Variants in AGTPBP1 observed in about 807,000 individuals in gnomAD.
AGTPBP1 encodes ATP/GTP binding carboxypeptidase 1.
Under a neutral mutation model 143.9 loss-of-function variants are expected in AGTPBP1, and 70 were observed. That is an observed-to-expected ratio of 0.49 (90% CI 0.40 to 0.59). The LOEUF is 0.59. Ranked by LOEUF, AGTPBP1 falls within the 20% of genes least tolerant of loss-of-function variation. The probability of loss-of-function intolerance (pLI) is 0.00; values close to 1 mark genes in which losing one functional copy is unlikely to be tolerated. For missense variants in AGTPBP1, 1,229 were observed against 1,464.5 expected, an observed-to-expected ratio of 0.84 and a Z score of 2.62; for synonymous variants, 463 against 500.2, an observed-to-expected ratio of 0.93 and a Z score of 0.99.
chr9:85,736,400 C>T lies in AGTPBP1; in HGVS notation c.-34+5375G>A, dbSNP rs187512073. 1.3e-4 allele frequency among the ~76,000 whole-genome samples: 20 copies of T among 152,262 alleles called. 1 individual carries two copies. In the East Asian group the frequency reaches 3.9e-3, roughly 29 times the overall value. On this transcript the variant is annotated intron_variant, in intron 1 of 25. Transcript: ENST00000357081. ...AATCAGATCAGGGTAATTAGCAAATCCATCATCTCAAACATTTATCATTTC... is the reference window on the plus strand; with the variant it reads ...AATCAGATCAGGGTAATTAGCAAATTCATCATCTCAAACATTTATCATTTC...
At chr9:85,728,616 A>G (rs1363834832) in intron 1 of AGTPBP1, among the ~76,000 whole-genome samples, 1 of 152,204 alleles carries the variant, frequency 6.6e-6, no homozygotes, top group Non-Finnish European at 1.5e-5. Context: ...AATTAAACAA[A>G]ACAAAAACAG....
At position 85,670,734 on chromosome 9, in the gene AGTPBP1, T is replaced by C. The variant is rs540674716; in HGVS notation, c.569-1156A>G. Among the ~76,000 whole-genome samples the C allele has an allele frequency of 1.1e-4, 17 of 152,280 alleles. No homozygotes were observed. In the South Asian group the frequency reaches 3.5e-3, roughly 32 times the overall value. On this transcript the variant is annotated intron_variant, in intron 7 of 25. Coordinates refer to ENST00000357081, the MANE Select transcript of AGTPBP1 (RefSeq NM_001330701.2). ...CGTTTAATAAACAATTTTTAAATTA[T>C]AGATAAGCCATCTGCTAGCCTTCTA...
At chr9:85,768,877 C>T in the AGTPBP1 span, among the ~76,000 whole-genome samples, 1 of 150,710 alleles carries the variant, frequency 6.6e-6, no homozygotes, top group Non-Finnish European at 1.5e-5. Context: ...TGCAAAACCC[C>T]TTCTCAACTA....
At chr9:85,653,202 C>A (rs970533178) in intron 11 of AGTPBP1, among the ~76,000 whole-genome samples, 2 of 144,762 alleles carry the variant, frequency 1.4e-5, no homozygotes, top group Non-Finnish European at 3.0e-5. Flanking sequence ...CTCAGGAGTT[C>A]GAGACCAGCC....
At chr9:85,641,584 G>A (rs1170730656) in intron 13 of AGTPBP1, among the ~76,000 whole-genome samples, 2 of 152,090 alleles carry the variant, frequency 1.3e-5, no homozygotes, top group Non-Finnish European at 2.9e-5. Flanking sequence ...GGGGTGGCAG[G>A]GAAGGCTGCA....
intron 25 of AGTPBP1, among the ~76,000 whole-genome samples, chr9:85,551,605 C>T (rs1587607486): frequency 6.6e-6 from 1 of 152,192 alleles, no homozygotes; most frequent in Non-Finnish European, 1.5e-5. Flanking sequence ...TTATGAAAAG[C>T]CTTGAGGTTG....
At chr9:85,716,931 G>A (rs973957491) in intron 1 of AGTPBP1, among the ~76,000 whole-genome samples, 2 of 152,150 alleles carry the variant, frequency 1.3e-5, no homozygotes, top group African/African-American at 4.8e-5. Context: ...TGGATGCACT[G>A]GCTGGGCCTC....
At chr9:85,598,164 T>TTCTC (rs150083382) in intron 17 of AGTPBP1, among the ~76,000 whole-genome samples, 4 of 150,832 alleles carry the variant, frequency 2.7e-5, no homozygotes, top group South Asian at 2.1e-4. Flanking sequence ...CTTTTGGTAT[T>TTCTC]TCTCTCTCTC....
At chr9:85,698,679 C>CTTTTTTTTTTTT (rs34248388) in intron 2 of AGTPBP1, among the ~76,000 whole-genome samples, 7 of 76,574 alleles carry the variant, frequency 9.1e-5, no homozygotes, top group African/African-American at 1.1e-4. Flanking sequence ...CCACCTAACC[C>CTTTTTTTTTTTT]TTTTTTTTTT....
upstream of AGTPBP1, among the ~76,000 whole-genome samples, chr9:85,743,240 G>T (rs924512708): frequency 2.0e-5 from 3 of 152,158 alleles, no homozygotes; most frequent in Non-Finnish European, 4.4e-5. Context: ...TAAAGAACAT[G>T]TTTCTAAATG....
At chr9:85,734,753 G>A (rs1008192945) in intron 1 of AGTPBP1, among the ~76,000 whole-genome samples, 4 of 152,106 alleles carry the variant, frequency 2.6e-5, no homozygotes, top group African/African-American at 4.8e-5. Context: ...TTCCACTTCC[G>A]GGTATATACT....
chr9:85,692,575 G>A, intron 3 of AGTPBP1, 114 bp downstream of exon 3: 3 of 1,378,000 alleles, frequency 2.2e-6, no homozygotes, highest in Non-Finnish European at 2.9e-6. Flanking sequence ...CACCCGGCCT[G>A]AAAGTTCAAT....
intron 2 of AGTPBP1, among the ~76,000 whole-genome samples, chr9:85,698,837 C>T (rs3929749): frequency 0.13 from 20,267 of 151,534 alleles, 1,604 homozygotes; most frequent in East Asian, 0.3. Context: ...GGACTACAGG[C>T]GCCTGCAACC....
At chr9:85,574,425 C>T (rs77335415) in intron 25 of AGTPBP1, among the ~76,000 whole-genome samples, 2,527 of 150,202 alleles carry the variant, frequency 0.017, 29 homozygotes, top group Middle Eastern at 0.055. Flanking sequence ...TCCTATGACC[C>T]TGCCAAATCC....
chr9:85,766,229 A>G, the AGTPBP1 span, among the ~76,000 whole-genome samples: 1 of 152,302 alleles, frequency 6.6e-6, no homozygotes, highest in South Asian at 2.1e-4. Flanking sequence ...TCTGAAGGAC[A>G]CTGAAAATCA....
chr9:85,602,172 G>A (rs1222378780), intron 17 of AGTPBP1, among the ~76,000 whole-genome samples: 1 of 152,000 alleles, frequency 6.6e-6, no homozygotes, highest in Non-Finnish European at 1.5e-5. Flanking sequence ...ATGAAATGCT[G>A]GAAAAGTAAT....
intron 15 of AGTPBP1, among the ~76,000 whole-genome samples, chr9:85,619,954 T>A (rs1180654351): frequency 6.6e-6 from 1 of 152,212 alleles, no homozygotes; most frequent in Non-Finnish European, 1.5e-5. Flanking sequence ...AGTTTCTGTT[T>A]CTACCACTTC....
intron 1 of AGTPBP1, among the ~76,000 whole-genome samples, chr9:85,725,524 A>C (rs1309724459): frequency 6.6e-6 from 1 of 151,990 alleles, no homozygotes; most frequent in Non-Finnish European, 1.5e-5. Flanking sequence ...CTCTCAAATT[A>C]CCTCCACAAA....
chr9:85,591,299 G>C (rs1828949040), intron 19 of AGTPBP1, among the ~76,000 whole-genome samples: 1 of 152,036 alleles, frequency 6.6e-6, no homozygotes. Context: ...GGTATTTTAT[G>C]ATAAGATTAG....
Sources: gnomAD v4.1 joint callset for allele counts (sites outside exome capture counted in the v4.1 genomes callset) on GRCh38, gnomAD v4.1.1 for gene constraint, MANE v1.5 for transcripts, NCBI Gene and HGNC (gene_info 2026-07-23, HGNC 2026-07-21) for gene names.